The following TRMT1L variants were observed in gnomAD, a reference collection of about 807,000 sequenced individuals.
TRMT1L encodes the protein tRNA (guanine(27)-N(2))-dimethyltransferase.
TRMT1L carries 28 observed loss-of-function variants against 81.6 expected under a neutral mutation model. The observed-to-expected ratio is 0.34, with a 90% CI of 0.25 to 0.47. TRMT1L has a LOEUF of 0.47. Ranked by LOEUF, TRMT1L falls within the 20% of genes least tolerant of loss-of-function variation. The pLI is 1.00. For synonymous variants in TRMT1L, 301 were observed against 303.2 expected (o/e 0.99, Z 0.07); for missense variants, 739 against 877.1 (o/e 0.84, Z 1.99).
rs568109295 is a variant in TRMT1L at position 185,147,694 on chromosome 1, A to G, written c.461-448T>C. On this transcript the variant is annotated intron_variant, in intron 3 of 14. Transcript: ENST00000367506. ...TCCCACCTTTCTTCATCTTCTTTAC[A>G]GATCCTCTTCCTTCTCTCATGCCCT... Among the ~76,000 whole-genome samples the G allele has an allele frequency of 1.2e-4, 18 of 152,258 alleles. No individual in the cohort carries two copies. The South Asian group carries it at 3.7e-3, about 32-fold the overall frequency.
At position 185,123,876 on chromosome 1, in the gene TRMT1L, T is replaced by A. The variant is rs1049953047; in HGVS notation, c.1803A>T (p.Thr601=). The A allele has an allele frequency of 2.8e-5, 42 of 1,514,246 alleles. No individual in the cohort carries two copies. Among genetic ancestry groups the A allele is most frequent in the Non-Finnish European group, 3.6e-5 (41 of 1,130,946 alleles). The allele number at this position is 1,514,246 out of a possible 1,614,324, so 93.8% of individuals were successfully genotyped here. ...VFIKTTDDTT[T]DNYIAQGKRK... is the part of the protein sequence containing the mutation. ...ACATACCTTGTGCAATGTAATTATC[T>A]GTTGTGGTGTCATCTGTAGTTTTAA... is the stretch of plus-strand genomic sequence containing the variant. The change falls in exon 13 of 15, where the codon ACA becomes ACT. Residue 601 remains threonine (T), a synonymous_variant. Coordinates refer to ENST00000367506, the MANE Select transcript of TRMT1L (RefSeq NM_030934.5).
At chr1:185,134,207 G>A (rs1173071694) in intron 10 of TRMT1L, among the ~76,000 whole-genome samples, 1 of 151,928 alleles carries the variant, frequency 6.6e-6, no homozygotes, top group East Asian at 1.9e-4. Context: ...TTTTGAGAGG[G>A]AGTCTTGCTC....
At position 185,156,852 on chromosome 1, in the gene TRMT1L, C is replaced by A; in HGVS notation, c.-140G>T. On this transcript the variant is annotated 5_prime_UTR_variant, in exon 1 of 15. Coordinates refer to ENST00000367506, the MANE Select transcript of TRMT1L (RefSeq NM_030934.5). ...GGGAGGGCGGGATGCGTGCAACAGA[C>A]AAAAGATGAAGAACCAGTGACCAAA... 1 of 1,196,392 alleles carries A rather than the reference C, an allele frequency of 8.4e-7. No individual in the cohort carries two copies. The highest frequency in any genetic ancestry group is 1.1e-6 in the Non-Finnish European group (1 of 880,256). 74.1% of individuals were successfully genotyped at this position (1,196,392 alleles called of 1,614,324 possible).
chr1:185,127,178 T>G (rs1158740575), intron 11 of TRMT1L, among the ~76,000 whole-genome samples: 1 of 152,212 alleles, frequency 6.6e-6, no homozygotes, highest in Non-Finnish European at 1.5e-5. Flanking sequence ...TCCAGTAACC[T>G]GCTATTTTTA....
chr1:185,137,347 G>A (rs1652925214), intron 10 of TRMT1L: 2 of 516,100 alleles, frequency 3.9e-6, no homozygotes, highest in Non-Finnish European at 6.9e-6. Context: ...AATTAGTTGA[G>A]AGTGGAAACT....
At chr1:185,131,107 C>T (rs1012468679) in intron 10 of TRMT1L, among the ~76,000 whole-genome samples, 8 of 152,054 alleles carry the variant, frequency 5.3e-5, no homozygotes, top group African/African-American at 1.9e-4. Context: ...TCACGCCATT[C>T]TCCTGCCTCA....
intron 2 of TRMT1L, 72 bp from the exon 3 acceptor site, chr1:185,150,564 G>T: frequency 9.9e-7 from 1 of 1,010,138 alleles, no homozygotes; most frequent in Non-Finnish European, 1.5e-6. Flanking sequence ...ACTACAAAGA[G>T]GTTAATGGGG....
chr1:185,137,565 T>G (rs1557988336), intron 10 of TRMT1L, 41 bp downstream of exon 10: 1 of 1,569,948 alleles, frequency 6.4e-7, no homozygotes. Flanking sequence ...GCTTATTCAG[T>G]GGAGGATTAT....
At chr1:185,127,464 G>A (rs1269230319) in intron 11 of TRMT1L, among the ~76,000 whole-genome samples, 2 of 152,038 alleles carry the variant, frequency 1.3e-5, no homozygotes, top group East Asian at 1.9e-4. Context: ...TTGAATTTCT[G>A]TAAGAATCTC....
At chr1:185,155,059 A>C (rs1401912122) in intron 1 of TRMT1L, among the ~76,000 whole-genome samples, 1 of 152,286 alleles carries the variant, frequency 6.6e-6, no homozygotes, top group African/African-American at 2.4e-5. Flanking sequence ...TATATGTATT[A>C]GTTCTAATGC....
At position 185,118,249 on chromosome 1, in the gene TRMT1L, G is replaced by C. The variant is rs1329078158; in HGVS notation, c.*1770C>G. 1 of 152,094 alleles carries C rather than the reference G, an allele frequency of 6.6e-6. No individual in the cohort carries two copies. The highest frequency in any genetic ancestry group is 1.5e-5 in the Non-Finnish European group (1 of 67,998). The allele number at this position is 152,094 out of a possible 1,614,324, so 9.4% of individuals were successfully genotyped here. ...AATTTTTAAAGTATTTCCTCTTTTG[G>C]TTGATGTAGTACCTGATCAGAGTTC... On this transcript the variant is annotated 3_prime_UTR_variant, in exon 15 of 15. Transcript: ENST00000367506.
At chr1:185,137,196 T>C (rs961306156) in intron 10 of TRMT1L, among the ~76,000 whole-genome samples, 3 of 152,158 alleles carry the variant, frequency 2.0e-5, no homozygotes, top group African/African-American at 7.2e-5. Flanking sequence ...GCCTGGCATA[T>C]AGTAGAGGCT....
chr1:185,153,993 G>A (rs985323798), intron 1 of TRMT1L, among the ~76,000 whole-genome samples: 2 of 152,100 alleles, frequency 1.3e-5, no homozygotes, highest in Admixed American at 6.6e-5. Flanking sequence ...AGAAGACAAG[G>A]CCTATTTCTT....
chr1:185,145,411 AAT>A, intron 5 of TRMT1L, 26 bp downstream of exon 5: 2 of 1,587,930 alleles, frequency 1.3e-6, no homozygotes, highest in South Asian at 1.1e-5. Flanking sequence ...TTTACATATT[AAT>A]ATGTTAATGA....
chr1:185,143,249 C>A (rs1343268250), intron 7 of TRMT1L, 108 bp downstream of exon 7: 1 of 984,986 alleles, frequency 1.0e-6, no homozygotes, highest in South Asian at 1.8e-5. Flanking sequence ...AAAAATTTTG[C>A]CTTGGATCTT....
intron 7 of TRMT1L, among the ~76,000 whole-genome samples, chr1:185,143,005 TTA>T (rs1653090157): frequency 6.6e-6 from 1 of 152,184 alleles, no homozygotes; most frequent in Admixed American, 6.5e-5. Flanking sequence ...TATAGTGGTT[TTA>T]TTTTTTAAAA....
chr1:185,152,420 G>GTA (rs1444113867), intron 1 of TRMT1L, among the ~76,000 whole-genome samples: 5 of 152,246 alleles, frequency 3.3e-5, no homozygotes, highest in Admixed American at 1.3e-4. Flanking sequence ...CTGGAATGTG[G>GTA]TATGTTTGGG....
chr1:185,157,106 G>C (rs558909907), upstream of TRMT1L: 1 of 190,522 alleles, frequency 5.2e-6, no homozygotes, highest in Admixed American at 5.6e-5. Context: ...TCTGGGGGCG[G>C]GGCCGGAGTT....
chr1:185,143,172 G>A (rs932258176), intron 7 of TRMT1L, among the ~76,000 whole-genome samples, 185 bp downstream of exon 7: 11 of 152,084 alleles, frequency 7.2e-5, no homozygotes, highest in African/African-American at 2.7e-4. Flanking sequence ...TGAAGTAAGC[G>A]ATGGATACAC....
Sources: allele counts gnomAD v4.1 joint callset (sites outside exome capture counted in the v4.1 genomes callset), GRCh38; gene constraint gnomAD v4.1.1; transcripts MANE v1.5; gene names NCBI Gene and HGNC (gene_info 2026-07-23, HGNC 2026-07-21).